Variants in RHBDL3 observed in about 807,000 individuals in gnomAD.
RHBDL3 encodes rhomboid-related protein 3.
RHBDL3 carries 28 observed loss-of-function variants against 48.2 expected under a neutral mutation model. That is an observed-to-expected ratio of 0.58 (90% confidence interval 0.43 to 0.80). The LOEUF (loss-of-function observed/expected upper bound fraction) is 0.80, where lower values mean the gene tolerates loss of function less well. Ranked by LOEUF, RHBDL3 falls within the 30% of genes least tolerant of loss-of-function variation. RHBDL3 has a pLI of 0.00. For synonymous variants in RHBDL3, 208 were observed against 232.3 expected (o/e 0.90, Z 0.95); for missense variants, 464 against 542.7 (o/e 0.85, Z 1.44).
intron 2 of RHBDL3, among the ~76,000 whole-genome samples, chr17:32,269,314 C>T (rs1022662103): frequency 6.6e-6 from 1 of 152,218 alleles, no homozygotes; most frequent in Non-Finnish European, 1.5e-5. Flanking sequence ...TGCTACTGCA[C>T]TCCAACCTGA....
chr17:32,297,543 T>G (rs1261715294), intron 5 of RHBDL3, among the ~76,000 whole-genome samples: 2 of 151,514 alleles, frequency 1.3e-5, no homozygotes, highest in Non-Finnish European at 2.9e-5. Flanking sequence ...ATGGAGCAGG[T>G]CAGGCAGATT....
intron 8 of RHBDL3, among the ~76,000 whole-genome samples, chr17:32,319,754 G>A (rs914599845): frequency 6.6e-6 from 1 of 152,222 alleles, no homozygotes; most frequent in Non-Finnish European, 1.5e-5. Context: ...TCATTAACTG[G>A]TAGCTAAATA....
At chr17:32,300,246 T>C (rs1184833950) in intron 6 of RHBDL3, among the ~76,000 whole-genome samples, 1 of 152,172 alleles carries the variant, frequency 6.6e-6, no homozygotes, top group Non-Finnish European at 1.5e-5. Flanking sequence ...GCAGTTAATT[T>C]ATTGTCAGAA....
At chr17:32,292,882 A>C (rs1167847289) in intron 4 of RHBDL3, among the ~76,000 whole-genome samples, 1 of 150,792 alleles carries the variant, frequency 6.6e-6, no homozygotes, top group African/African-American at 2.4e-5. Flanking sequence ...AGGAGGCAGG[A>C]AGATCGCTTG....
chr17:32,305,873 G>A (rs1307320562), intron 7 of RHBDL3, among the ~76,000 whole-genome samples: 2 of 151,140 alleles, frequency 1.3e-5, no homozygotes, highest in East Asian at 1.9e-4. Flanking sequence ...AGCCGAGATC[G>A]CGCCACTGCA....
chr17:32,310,833 G>A (rs934972391), intron 7 of RHBDL3, among the ~76,000 whole-genome samples: 3 of 139,804 alleles, frequency 2.1e-5, no homozygotes, highest in South Asian at 2.3e-4. Flanking sequence ...GCAGTGAGCC[G>A]AGATCACACC....
intron 1 of RHBDL3, among the ~76,000 whole-genome samples, 164 bp downstream of exon 1, chr17:32,266,464 C>T (rs1158545425): frequency 6.6e-6 from 1 of 152,168 alleles, no homozygotes; most frequent in East Asian, 1.9e-4. Flanking sequence ...GGACCGGTCT[C>T]CCCGAAACGC....
At chr17:32,285,843 G>A (rs1241294141) in intron 3 of RHBDL3, among the ~76,000 whole-genome samples, 2 of 152,184 alleles carry the variant, frequency 1.3e-5, no homozygotes, top group Non-Finnish European at 2.9e-5. Context: ...GCCACCACTG[G>A]AGCCTGTCAT....
intron 4 of RHBDL3, among the ~76,000 whole-genome samples, chr17:32,289,725 T>C (rs970910607): frequency 1.8e-4 from 28 of 152,216 alleles, no homozygotes; most frequent in Non-Finnish European, 8.8e-5. Context: ...TTTTGGGTCC[T>C]CCACTCAACA....
chr17:32,318,035 C>G (rs1039782315), intron 8 of RHBDL3, among the ~76,000 whole-genome samples: 6 of 149,812 alleles, frequency 4.0e-5, no homozygotes, highest in African/African-American at 1.5e-4. Flanking sequence ...ATAGCAAGAC[C>G]TTGTCTCTAC....
At chr17:32,283,383 G>A (rs940624091) in intron 2 of RHBDL3, among the ~76,000 whole-genome samples, 12 of 144,174 alleles carry the variant, frequency 8.3e-5, no homozygotes, top group African/African-American at 2.6e-4. Context: ...GTGCAGTGGC[G>A]TGATCTCAGC....
At chr17:32,267,094 C>G (rs1036794716) in intron 1 of RHBDL3, among the ~76,000 whole-genome samples, 1 of 152,196 alleles carries the variant, frequency 6.6e-6, no homozygotes. Context: ...GGCAGACACC[C>G]TGCCCTGCCC....
chr17:32,320,962 C>T lies in RHBDL3; in HGVS notation c.948C>T (p.Ser316=). 1 of 1,610,974 alleles carries T rather than the reference C, an allele frequency of 6.2e-7. No individual in the cohort carries two copies. The highest frequency in any genetic ancestry group is 8.5e-7 in the Non-Finnish European group (1 of 1,178,602). The part of the protein sequence containing the change: ...LRMAVALICM[S]MEFGRAVWLR... Reference sequence around the variant, plus strand: ...CTCTGCTTCCTCCCCTTGCAGTGAGCATGGAGTTTGGGCGGGCCGTGTGGC... The same window carrying T: ...CTCTGCTTCCTCCCCTTGCAGTGAGTATGGAGTTTGGGCGGGCCGTGTGGC... Residue 316 remains serine, a synonymous_variant, in exon 9 of 9, where the codon AGC becomes AGT. Transcript: ENST00000269051.
At chr17:32,287,927 T>C (rs1414324651) in intron 3 of RHBDL3, among the ~76,000 whole-genome samples, 1 of 152,252 alleles carries the variant, frequency 6.6e-6, no homozygotes, top group Admixed American at 6.5e-5. Context: ...CGAGTCAGGC[T>C]GACCACTGGG....
chr17:32,280,039 C>T (rs1024926667), intron 2 of RHBDL3, among the ~76,000 whole-genome samples: 4 of 152,146 alleles, frequency 2.6e-5, no homozygotes, highest in African/African-American at 7.2e-5. Flanking sequence ...TAGGGTCGGA[C>T]GCTGGGTGCT....
intron 3 of RHBDL3, among the ~76,000 whole-genome samples, 185 bp downstream of exon 3, chr17:32,285,002 G>A (rs947977032): frequency 2.6e-5 from 4 of 152,222 alleles, no homozygotes; most frequent in Admixed American, 2.0e-4. Flanking sequence ...TCTGCCCTCC[G>A]CAGTGTCAGC....
At chr17:32,318,253 G>A (rs2041022553) in intron 8 of RHBDL3, among the ~76,000 whole-genome samples, 1 of 151,090 alleles carries the variant, frequency 6.6e-6, no homozygotes, top group South Asian at 2.1e-4. Flanking sequence ...CCTAGCCCAG[G>A]AGCTTGAGGC....
At chr17:32,272,224 C>T (rs1252512311) in intron 2 of RHBDL3, among the ~76,000 whole-genome samples, 2 of 152,260 alleles carry the variant, frequency 1.3e-5, no homozygotes, top group Non-Finnish European at 2.9e-5. Flanking sequence ...CAGGCCCCTA[C>T]GGGGAAGGCA....
Position 32,289,107 on chromosome 17 carries a change from G to A in RHBDL3, c.519+91G>A, listed in dbSNP as rs148353778. 954 of 979,818 alleles carry A rather than the reference G, an allele frequency of 9.7e-4. 8 individuals carry two copies. The African/African-American group carries it at 0.014, about 14-fold the overall frequency. 60.7% of individuals were successfully genotyped at this position (979,818 alleles called of 1,614,324 possible). Reference sequence around the variant, plus strand: ...AAGAGGATGACACACAGATCATGGGGGAAGAGGGACATTTCTTTTCCATTG... The same window carrying A: ...AAGAGGATGACACACAGATCATGGGAGAAGAGGGACATTTCTTTTCCATTG... On this transcript the variant is annotated intron_variant, in intron 4 of 8. Transcript: ENST00000269051.
Sources: gnomAD v4.1 joint callset for allele counts (sites outside exome capture counted in the v4.1 genomes callset) on GRCh38, gnomAD v4.1.1 for gene constraint, MANE v1.5 for transcripts, NCBI Gene and HGNC (gene_info 2026-07-23, HGNC 2026-07-21) for gene names.